Variants in CEACAM1 observed in about 807,000 individuals in gnomAD.
CEACAM1 encodes cell adhesion molecule CEACAM1.
Under a neutral mutation model 49.1 loss-of-function variants are expected in CEACAM1, and 31 were observed. That is an observed-to-expected ratio of 0.63 (90% CI 0.47 to 0.85). The LOEUF (loss-of-function observed/expected upper bound fraction) is 0.85. Ranked by LOEUF, CEACAM1 falls within the 40% of genes least tolerant of loss-of-function variation. The pLI, the probability that CEACAM1 is intolerant of heterozygous loss-of-function variation, is 0.00. For missense variants in CEACAM1, 570 were observed against 645.3 expected (o/e 0.88, Z 1.26); for synonymous variants, 244 against 247.8 (o/e 0.98, Z 0.14).
intron 5 of CEACAM1, among the ~76,000 whole-genome samples, chr19:42,517,592 T>C (rs1568656056): frequency 6.6e-6 from 1 of 152,164 alleles, no homozygotes; most frequent in Non-Finnish European, 1.5e-5. Flanking sequence ...TGCTAATCAT[T>C]AGGGAAGTGC....
rs562222343 is a variant in CEACAM1, at chr19:42,511,540, A to G, written c.1429+36T>C. 3.8e-6 allele frequency: 6 copies of G among 1,577,844 alleles called. No individual in the cohort carries two copies. The African/African-American group carries it at 4.0e-5, about 11-fold the overall frequency. On this transcript the variant is annotated intron_variant, in intron 7 of 8. Coordinates refer to ENST00000161559, the MANE Select transcript of CEACAM1 (RefSeq NM_001712.5). ...GCCAGGGGAGGGCACGTGGTGGAAC[A>G]TACCAGTTCTCACTGGGGTAAGTGG...
chr19:42,513,939 G>T (rs2041532290), intron 5 of CEACAM1, among the ~76,000 whole-genome samples: 20 of 105,446 alleles, frequency 1.9e-4, no homozygotes, highest in African/African-American at 3.7e-4. Context: ...AATACCTTTT[G>T]CATCTATTTC....
At chr19:42,514,939 G>A (rs2041561235) in intron 5 of CEACAM1, 1 of 611,194 alleles carries the variant, frequency 1.6e-6, no homozygotes, top group South Asian at 1.9e-5. Context: ...TGTGTGTGGT[G>A]TTTTGCTGAA....
chr19:42,526,207 C>T (rs8106836), intron 2 of CEACAM1, among the ~76,000 whole-genome samples: 15,609 of 152,166 alleles, frequency 0.1, 2,639 homozygotes, highest in African/African-American at 0.35. Flanking sequence ...CCATCCACCT[C>T]GGCCTCCCAA....
At position 42,511,560 on chromosome 19, in the gene CEACAM1, A is replaced by G. The variant is rs2041457328; in HGVS notation, c.1429+16T>C. 1.9e-6 allele frequency: 3 copies of G among 1,610,668 alleles called. No individual in the cohort carries two copies. Among genetic ancestry groups the G allele is most frequent in the African/African-American group, 1.3e-5 (1 of 74,864 alleles). On this transcript the variant is annotated intron_variant, in intron 7 of 8. Coordinates refer to ENST00000161559, the MANE Select transcript of CEACAM1 (RefSeq NM_001712.5). ...GGAACATACCAGTTCTCACTGGGGT[A>G]AGTGGCTTTACTTACTGTGGTTGGA... is the stretch of plus-strand genomic sequence containing the variant.
chr19:42,517,247 T>A (rs1204032830), intron 5 of CEACAM1, among the ~76,000 whole-genome samples: 1 of 152,184 alleles, frequency 6.6e-6, no homozygotes, highest in African/African-American at 2.4e-5. Context: ...GAGTGAAAAC[T>A]TTGGAACATT....
intron 5 of CEACAM1, among the ~76,000 whole-genome samples, chr19:42,517,443 A>G (rs1202571300): frequency 2.6e-5 from 4 of 152,346 alleles, no homozygotes; most frequent in South Asian, 4.1e-4. Flanking sequence ...AGGGATTAAT[A>G]TCCAAAATAT....
In CEACAM1 at chr19:42,521,284, T is replaced by C. The variant is rs746464510; in HGVS notation, c.941A>G (p.Lys314Arg). The C allele has an allele frequency of 1.2e-5, 19 of 1,614,114 alleles. No individual in the cohort carries two copies. Among genetic ancestry groups the C allele is most frequent in the African/African-American group, 4.0e-5 (3 of 74,946 alleles). ...SVTGCNRTTV[K>R]TIIVTELSPV... ...TTACTTACCAGTGACTATGATCGTC[T>C]TGACTGTGGTCCTGTTGCAGCCAGT... The change falls in exon 4 of 9, where the codon AAG becomes AGG. Residue 314 changes from lysine to arginine, a missense_variant. Transcript: ENST00000161559.
chr19:42,515,810 T>G (rs1242158684), intron 5 of CEACAM1, among the ~76,000 whole-genome samples: 1 of 152,174 alleles, frequency 6.6e-6, no homozygotes, highest in Non-Finnish European at 1.5e-5. Flanking sequence ...ATAAGGATTA[T>G]AAGAGTACTA....
intron 5 of CEACAM1, among the ~76,000 whole-genome samples, chr19:42,515,576 A>G (rs1190390168): frequency 6.6e-6 from 1 of 152,130 alleles, no homozygotes; most frequent in African/African-American, 2.4e-5. Context: ...CAGGAGGCTG[A>G]AGCAGGAGGA....
In CEACAM1 at chr19:42,511,479, G is replaced by A. The variant is rs2041455478; in HGVS notation, c.1429+97C>T. 3.0e-6 allele frequency: 3 copies of A among 1,013,586 alleles called. No individual in the cohort carries two copies. The East Asian group carries it at 7.1e-5, about 24-fold the overall frequency. The allele number at this position is 1,013,586 out of a possible 1,614,324, so 62.8% of individuals were successfully genotyped here. ...TAGAGATCCTTTCTGTGAAAATTCAGAAGGGAGGGAGTGGTTTGGGAATCC... is the reference window on the plus strand; with the variant it reads ...TAGAGATCCTTTCTGTGAAAATTCAAAAGGGAGGGAGTGGTTTGGGAATCC... On this transcript the variant is annotated intron_variant, in intron 7 of 8. Transcript: ENST00000161559.
intron 7 of CEACAM1, 184 bp from the exon 8 acceptor site, chr19:42,511,104 C>A: frequency 1.6e-6 from 1 of 620,620 alleles, no homozygotes; most frequent in Admixed American, 2.7e-5. Flanking sequence ...GGGGCAGAAC[C>A]ACAGGAGGCC....
At chr19:42,516,686 C>A in intron 5 of CEACAM1, 1 of 193,772 alleles carries the variant, frequency 5.2e-6, no homozygotes, top group Non-Finnish European at 1.1e-5. Flanking sequence ...CCATGGATAG[C>A]CAAAGCAATC....
intron 8 of CEACAM1, among the ~76,000 whole-genome samples, chr19:42,509,787 C>T (rs535010356): frequency 1.6e-4 from 25 of 151,902 alleles, no homozygotes; most frequent in South Asian, 4.2e-4. Flanking sequence ...CTACCACGCC[C>T]GGCTAATTTT....
intron 2 of CEACAM1, among the ~76,000 whole-genome samples, chr19:42,524,324 G>A (rs1480238896): frequency 6.6e-6 from 1 of 152,220 alleles, no homozygotes; most frequent in Non-Finnish European, 1.5e-5. Context: ...ACCACTAGAG[G>A]ATGTGAGCCC....
At chr19:42,522,267 CT>C in intron 2 of CEACAM1, 65 bp from the exon 3 acceptor site, 3 of 1,571,970 alleles carry the variant, frequency 1.9e-6, no homozygotes, top group Non-Finnish European at 2.6e-6. Context: ...AGGCATTTTT[CT>C]TTTCTTATTT....
chr19:42,521,202 T>C (rs2041736875), intron 4 of CEACAM1, 65 bp downstream of exon 4: 2 of 1,573,956 alleles, frequency 1.3e-6, no homozygotes, highest in Non-Finnish European at 1.7e-6. Context: ...TCTTCTCTGC[T>C]CCTATTTGAA....
intron 5 of CEACAM1, among the ~76,000 whole-genome samples, chr19:42,515,598 C>T (rs7259335): frequency 0.1 from 15,598 of 151,780 alleles, 2,643 homozygotes; most frequent in African/African-American, 0.35. Context: ...TGCTTGAACC[C>T]GGGAAGTTGA....
chr19:42,517,067 A>G (rs1161659272), intron 5 of CEACAM1, among the ~76,000 whole-genome samples: 1 of 152,228 alleles, frequency 6.6e-6, no homozygotes, highest in Non-Finnish European at 1.5e-5. Context: ...GGGTGCCAAG[A>G]TCATTCAGTG....
Sources: allele counts gnomAD v4.1 joint callset (sites outside exome capture counted in the v4.1 genomes callset), GRCh38; gene constraint gnomAD v4.1.1; transcripts MANE v1.5; gene names NCBI Gene and HGNC (gene_info 2026-07-23, HGNC 2026-07-21).